RIMS3: variants seen among roughly 807,000 people sequenced by gnomAD.
RIMS3 encodes regulating synaptic membrane exocytosis protein 3.
RIMS3 carries 15 observed loss-of-function variants against 29.2 expected under a neutral mutation model. The ratio of observed to expected loss-of-function variants is 0.51; its 90% CI spans 0.34 to 0.79. The LOEUF (loss-of-function observed/expected upper bound fraction) is 0.79, where lower values mean the gene tolerates loss of function less well. RIMS3 is among the 30% of genes least tolerant of loss of function. The probability of loss-of-function intolerance (pLI) is 0.01; values close to 1 mark genes in which losing one functional copy is unlikely to be tolerated. For missense variants in RIMS3, 342 were observed against 421.4 expected, an observed-to-expected ratio of 0.81 and a Z score of 1.65; for synonymous variants, 161 against 170.1, an observed-to-expected ratio of 0.95 and a Z score of 0.41.
rs1009389843 is a variant in RIMS3, at chr1:40,641,950, G to T, written c.-25C>A. On this transcript the variant is annotated 5_prime_UTR_variant, in exon 3 of 8. It adds an upstream start codon to the 5' untranslated region. Coordinates refer to ENST00000372684, the MANE Select transcript of RIMS3 (RefSeq NM_014747.3). ...TGGTCCCCGGGGTGGCAGGGCCTCA[G>T]GCAGCTCTGAAGATGGGCAGGAAAC... 5.0e-6 allele frequency: 8 copies of T among 1,598,378 alleles called. No individual in the cohort carries two copies. The African/African-American group carries it at 1.1e-4, about 21-fold the overall frequency.
chr1:40,651,631 C>G (rs1646632432), intron 1 of RIMS3, among the ~76,000 whole-genome samples: 1 of 152,202 alleles, frequency 6.6e-6, no homozygotes, highest in Admixed American at 6.5e-5. Context: ...AAATAGGAAC[C>G]TTGTCGTCGT....
chr1:40,686,136 C>T, the RIMS3 span, among the ~76,000 whole-genome samples: 5 of 150,488 alleles, frequency 3.3e-5, no homozygotes, highest in East Asian at 2.0e-4. Flanking sequence ...GTGACAAGAG[C>T]GAAACTCTGT....
At chr1:40,638,955 G>C (rs1646538843) in intron 3 of RIMS3, among the ~76,000 whole-genome samples, 1 of 152,220 alleles carries the variant, frequency 6.6e-6, no homozygotes, top group Non-Finnish European at 1.5e-5. Context: ...GGCAACAAGA[G>C]GAATAAACTG....
At chr1:40,670,574 T>TTATTTATATATA (rs1553146614), upstream of RIMS3, among the ~76,000 whole-genome samples, 4 of 71,210 alleles carry the variant, frequency 5.6e-5, no homozygotes, top group Non-Finnish European at 7.2e-5. Flanking sequence ...AGTTATAATT[T>TTATTTATATATA]TATATATATA....
At chr1:40,648,986 G>T (rs1229014282) in intron 1 of RIMS3, among the ~76,000 whole-genome samples, 2 of 152,214 alleles carry the variant, frequency 1.3e-5, no homozygotes, top group Non-Finnish European at 2.9e-5. Context: ...AGGGGGAAAG[G>T]GGCTCCTTCG....
At chr1:40,660,746 G>A (rs1025677407) in intron 1 of RIMS3, among the ~76,000 whole-genome samples, 3 of 151,888 alleles carry the variant, frequency 2.0e-5, no homozygotes, top group Admixed American at 6.6e-5. Flanking sequence ...AGAAGTAAAC[G>A]AGATTACCCG....
chr1:40,649,676 G>C (rs1455003633), intron 1 of RIMS3, among the ~76,000 whole-genome samples: 2 of 152,214 alleles, frequency 1.3e-5, no homozygotes, highest in African/African-American at 4.8e-5. Context: ...ACCGGACAAA[G>C]GAGCTCATCG....
Position 40,654,716 on chromosome 1 carries a change from C to T in RIMS3, c.-206-6874G>A, listed in dbSNP as rs74761479. Among the ~76,000 whole-genome samples the T allele has an allele frequency of 0.012, 1,855 of 152,146 alleles. 55 individuals are homozygous for T. Among genetic ancestry groups the T allele is most frequent in the African/African-American group, 0.043 (1,780 of 41,502 alleles). ...CCCTCGCAGAGAACTGCAGACATAT[C>T]GCATGAAGATACATTCACCACAGAC... On this transcript the variant is annotated intron_variant, in intron 1 of 7. Transcript: ENST00000372684. The surrounding 1 kb of genome is among the most constrained non-coding windows in gnomAD (Gnocchi z 5.3).
At chr1:40,664,659 C>A (rs544411534) in intron 1 of RIMS3, among the ~76,000 whole-genome samples, 32 of 152,152 alleles carry the variant, frequency 2.1e-4, no homozygotes, top group Non-Finnish European at 4.0e-4. Context: ...TTCCAGGATC[C>A]TTCCTGAGCC....
At chr1:40,674,690 CTCTT>C in the RIMS3 span, among the ~76,000 whole-genome samples, 5 of 152,302 alleles carry the variant, frequency 3.3e-5, no homozygotes, top group East Asian at 1.9e-4. Context: ...TCTTCTCTCT[CTCTT>C]TCTCTCTCCC....
At chr1:40,686,501 A>C in the RIMS3 span, among the ~76,000 whole-genome samples, 1 of 151,962 alleles carries the variant, frequency 6.6e-6, no homozygotes, top group Non-Finnish European at 1.5e-5. Flanking sequence ...AAAAAAATAC[A>C]AAAAAATTAG....
At chr1:40,658,434 C>T (rs1192854228) in intron 1 of RIMS3, among the ~76,000 whole-genome samples, 2 of 152,210 alleles carry the variant, frequency 1.3e-5, no homozygotes, top group Non-Finnish European at 2.9e-5. Context: ...GCACCCACAT[C>T]GGCACTCTAA....
At chr1:40,659,360 G>A (rs1409216950) in intron 1 of RIMS3, among the ~76,000 whole-genome samples, 1 of 152,184 alleles carries the variant, frequency 6.6e-6, no homozygotes, top group Non-Finnish European at 1.5e-5. Context: ...TCCTGTCAGT[G>A]ACAGGGAGCT....
intron 1 of RIMS3, among the ~76,000 whole-genome samples, chr1:40,664,200 G>A (rs1333012868): frequency 6.6e-6 from 1 of 152,122 alleles, no homozygotes; most frequent in Non-Finnish European, 1.5e-5. Flanking sequence ...CTTGGTTTAA[G>A]CACAGGGCAC....
upstream of RIMS3, among the ~76,000 whole-genome samples, chr1:40,666,917 C>G (rs3754183): frequency 8.6e-5 from 13 of 151,962 alleles, 1 homozygote; most frequent in African/African-American, 2.9e-4. Flanking sequence ...CCCAGCTACT[C>G]GGGAGGCTGA....
chr1:40,667,837 T>C (rs1388051605), upstream of RIMS3, among the ~76,000 whole-genome samples: 1 of 152,178 alleles, frequency 6.6e-6, no homozygotes, highest in Non-Finnish European at 1.5e-5. Context: ...ATGATAAAGA[T>C]AGCACTTCAG....
chr1:40,680,864 A>AT, the RIMS3 span, among the ~76,000 whole-genome samples: 1 of 152,194 alleles, frequency 6.6e-6, no homozygotes, highest in Non-Finnish European at 1.5e-5. Context: ...ATATTATACC[A>AT]TGCCATTATC....
chr1:40,631,907 G>T (rs1421075463), intron 5 of RIMS3, among the ~76,000 whole-genome samples: 2 of 151,918 alleles, frequency 1.3e-5, no homozygotes, highest in African/African-American at 2.4e-5. Flanking sequence ...GGGAGGTAAA[G>T]GTAGGTTATG....
chr1:40,682,487 C>T, the RIMS3 span, among the ~76,000 whole-genome samples: 1 of 152,008 alleles, frequency 6.6e-6, no homozygotes, highest in African/African-American at 2.4e-5. Context: ...CTTGGAACCC[C>T]ATCTTCAGGA....
Sources: allele counts gnomAD v4.1 joint callset (sites outside exome capture counted in the v4.1 genomes callset), GRCh38; gene constraint gnomAD v4.1.1; non-coding constraint Gnocchi (gnomAD v3.1); transcripts MANE v1.5; gene names NCBI Gene and HGNC (gene_info 2026-07-23, HGNC 2026-07-21).